Variants in SP100 observed in about 807,000 individuals in gnomAD.
SP100 encodes the protein SP100 nuclear body protein, also known as nuclear autoantigen Sp-100.
Under a neutral mutation model 130.0 loss-of-function variants are expected in SP100, and 84 were observed. The ratio of observed to expected loss-of-function variants is 0.65; its 90% CI spans 0.54 to 0.77. SP100 has a LOEUF of 0.77. Ranked by LOEUF, SP100 falls within the 30% of genes least tolerant of loss-of-function variation. SP100 has a pLI of 0.00. For missense variants in SP100, 978 were observed against 1,052.2 expected (o/e 0.93, Z 0.97); for synonymous variants, 331 against 351.7 (o/e 0.94, Z 0.66).
chr2:230,508,209 A>T (rs1690269036), intron 23 of SP100, 178 bp downstream of exon 23: 1 of 961,302 alleles, frequency 1.0e-6, no homozygotes, highest in South Asian at 2.4e-5. Context: ...GCTCCTTTGA[A>T]CATCAAAACG....
rs2063604310 is a variant in SP100 at position 230,444,493 on chromosome 2, A to G, written c.439+147A>G. ...ATAGACATGCCATGAGTCTTCTCTT[A>G]GCTCATGGCGTATGGCTATGGTAAA... On this transcript the variant is annotated intron_variant, in intron 4 of 28. Transcript: ENST00000340126. 14 of 650,284 alleles carry G rather than the reference A, an allele frequency of 2.2e-5. No homozygotes were observed. In the South Asian group the frequency reaches 2.7e-4, roughly 13 times the overall value. The allele number at this position is 650,284 out of a possible 1,614,324, so 40.3% of individuals were successfully genotyped here.
intron 24 of SP100, among the ~76,000 whole-genome samples, chr2:230,525,471 C>T (rs908231685): frequency 9.2e-5 from 14 of 152,196 alleles, no homozygotes; most frequent in African/African-American, 2.4e-4. Context: ...GGAAGAGCTC[C>T]GGTCTGCAGC....
intron 5 of SP100, among the ~76,000 whole-genome samples, chr2:230,447,663 G>C (rs1048265616): frequency 6.6e-6 from 1 of 152,320 alleles, no homozygotes; most frequent in African/African-American, 2.4e-5. Context: ...AGGGCAAAGC[G>C]TGGGGAAGGG....
intron 24 of SP100, among the ~76,000 whole-genome samples, chr2:230,521,981 T>C (rs1167435690): frequency 6.6e-6 from 1 of 152,162 alleles, no homozygotes; most frequent in African/African-American, 2.4e-5. Context: ...AAAACCCAAA[T>C]GGCTGAGAAA....
intron 17 of SP100, among the ~76,000 whole-genome samples, chr2:230,485,122 ATTTAT>A (rs1468353631): frequency 6.7e-6 from 1 of 149,890 alleles, no homozygotes; most frequent in Non-Finnish European, 1.5e-5. Context: ...TTATTTTATT[ATTTAT>A]TTTATTTTAG....
chr2:230,524,058 G>A (rs1241876139), intron 24 of SP100, among the ~76,000 whole-genome samples: 4 of 150,298 alleles, frequency 2.7e-5, no homozygotes, highest in Non-Finnish European at 4.4e-5. Context: ...AACCAGCTGG[G>A]TGTGGTTGCT....
At chr2:230,457,770 A>G (rs948123507) in intron 8 of SP100, among the ~76,000 whole-genome samples, 2 of 152,142 alleles carry the variant, frequency 1.3e-5, no homozygotes, top group Non-Finnish European at 2.9e-5. Flanking sequence ...GTCGTTGTTC[A>G]CATCAGTGTT....
intron 5 of SP100, among the ~76,000 whole-genome samples, chr2:230,448,436 A>G (rs2063810233): frequency 6.6e-6 from 1 of 152,244 alleles, no homozygotes; most frequent in Non-Finnish European, 1.5e-5. Context: ...ACTGAAATCC[A>G]GAGATACCAC....
chr2:230,505,028 T>C (rs1689968927), intron 21 of SP100, among the ~76,000 whole-genome samples: 4 of 152,178 alleles, frequency 2.6e-5, no homozygotes, highest in Admixed American at 2.6e-4. Context: ...ACATTGTTTA[T>C]TATGAACAGT....
chr2:230,488,212 C>T (rs111888659), intron 17 of SP100, among the ~76,000 whole-genome samples: 3,932 of 152,242 alleles, frequency 0.026, 180 homozygotes, highest in African/African-American at 0.091. Flanking sequence ...GCCAGAACTT[C>T]CAATACTATG....
chr2:230,534,845 C>T (rs1441772894), intron 24 of SP100, among the ~76,000 whole-genome samples: 1 of 152,142 alleles, frequency 6.6e-6, no homozygotes, highest in Non-Finnish European at 1.5e-5. Flanking sequence ...TTAACTATGG[C>T]TTGCTTAAGA....
Position 230,470,022 on chromosome 2 carries a change from C to T in SP100, c.1353C>T (p.Ser451=). ...TTTTATTTTTTTCTGCAGGTTTCAGCAGTAGTGACTTTTCAGACCTGAGTA... is the reference window on the plus strand; with the variant it reads ...TTTTATTTTTTTCTGCAGGTTTCAGTAGTAGTGACTTTTCAGACCTGAGTA... ...WRIPSRKRRF[S]SSDFSDLSNG... is the part of the protein sequence containing the mutation. The change falls in exon 15 of 29, where the codon AGC becomes AGT. Residue 451 remains serine (S), a synonymous_variant. Coordinates refer to ENST00000340126, the MANE Select transcript of SP100 (RefSeq NM_001080391.2). 1 of 1,612,096 alleles carries T rather than the reference C, an allele frequency of 6.2e-7. No individual in the cohort carries two copies. Among genetic ancestry groups the T allele is most frequent in the Non-Finnish European group, 8.5e-7 (1 of 1,178,962 alleles).
chr2:230,462,454 T>A lies in SP100; in HGVS notation c.993T>A (p.Ser331=), dbSNP rs1433104174. 1 of 1,613,732 alleles carries A rather than the reference T, an allele frequency of 6.2e-7. No individual in the cohort carries two copies. The highest frequency in any genetic ancestry group is 8.5e-7 in the Non-Finnish European group (1 of 1,179,816). ...SDIIVISSED[S]EGSTDVDEPL... ...GTGCAGTCATCAGCAGTGAGGACTC[T>A]GAAGGATCCACTGACGTTGATGAGC... The change falls in exon 10 of 29, where the codon TCT becomes TCA. Residue 331 remains serine, a synonymous_variant. Coordinates refer to ENST00000340126, the MANE Select transcript of SP100 (RefSeq NM_001080391.2).
intron 23 of SP100, chr2:230,510,199 T>C (rs1177855798): frequency 1.3e-5 from 2 of 152,684 alleles, no homozygotes; most frequent in Non-Finnish European, 1.5e-5. Context: ...TAGCAGTCAT[T>C]GTTTCATTCC....
At chr2:230,542,094 C>T (rs1007241743) in intron 28 of SP100, 59 bp downstream of exon 28, 1 of 1,539,922 alleles carries the variant, frequency 6.5e-7, no homozygotes, top group Non-Finnish European at 9.0e-7. Context: ...AAGTCACTTT[C>T]CCTGTCATCT....
chr2:230,478,638 T>C (rs1032525802), intron 17 of SP100, among the ~76,000 whole-genome samples: 2 of 152,196 alleles, frequency 1.3e-5, no homozygotes, highest in African/African-American at 4.8e-5. Flanking sequence ...GAGGGGCCTT[T>C]CCTTTCATCT....
intron 11 of SP100, among the ~76,000 whole-genome samples, chr2:230,465,178 G>T (rs2619158): frequency 0.24 from 36,614 of 151,818 alleles, 5,013 homozygotes; most frequent in Middle Eastern, 0.33. Context: ...GGATGTTGCA[G>T]TGAGCCAAGA....
chr2:230,475,575 C>T lies in SP100; in HGVS notation c.1600+1128C>T, dbSNP rs116400330. Among the ~76,000 whole-genome samples the T allele has an allele frequency of 2.8e-3, 428 of 152,166 alleles. 1 individual carries two copies. Among genetic ancestry groups the T allele is most frequent in the African/African-American group, 0.01 (418 of 41,510 alleles). On this transcript the variant is annotated intron_variant, in intron 17 of 28. Transcript: ENST00000340126. Reference sequence around the variant, plus strand: ...CACTTGTCAGTTTTTGTTTGAGTTGCAATTGCTTTTGGAGACTTAGCCATA... The same window carrying T: ...CACTTGTCAGTTTTTGTTTGAGTTGTAATTGCTTTTGGAGACTTAGCCATA...
At chr2:230,477,261 C>G (rs2065603851) in intron 17 of SP100, among the ~76,000 whole-genome samples, 2 of 151,940 alleles carry the variant, frequency 1.3e-5, no homozygotes, top group Non-Finnish European at 2.9e-5. Context: ...ATATACGTTG[C>G]TAGTATTTTG....
Sources: allele counts gnomAD v4.1 joint callset (sites outside exome capture counted in the v4.1 genomes callset), GRCh38; gene constraint gnomAD v4.1.1; transcripts MANE v1.5; gene names NCBI Gene and HGNC (gene_info 2026-07-23, HGNC 2026-07-21).